DCLK3: variants seen among roughly 807,000 people sequenced by gnomAD.
DCLK3 encodes the protein serine/threonine-protein kinase DCLK3.
A neutral mutation model predicts 46.4 loss-of-function variants in DCLK3; 30 were observed. The observed-to-expected ratio is 0.65, with a 90% CI of 0.48 to 0.88. DCLK3 has a LOEUF of 0.88. DCLK3 is among the 40% of genes least tolerant of loss of function. The pLI, the probability that DCLK3 is intolerant of heterozygous loss-of-function variation, is 0.00. For synonymous variants in DCLK3, 401 were observed against 339.2 expected, an observed-to-expected ratio of 1.18 and a Z score of -2.00; for missense variants, 846 against 907.1, an observed-to-expected ratio of 0.93 and a Z score of 0.87.
chr3:36,741,261 G>T (rs777376524), intron 1 of DCLK3, among the ~76,000 whole-genome samples: 4 of 152,128 alleles, frequency 2.6e-5, no homozygotes, highest in Non-Finnish European at 5.9e-5. Flanking sequence ...TGCACAAAAG[G>T]GCTGGTGTTC....
chr3:36,741,322 C>T (rs1701342043), intron 1 of DCLK3, among the ~76,000 whole-genome samples: 3 of 152,176 alleles, frequency 2.0e-5, no homozygotes, highest in Admixed American at 1.3e-4. Flanking sequence ...TTGATACATA[C>T]TGTCAGACTA....
chr3:36,717,841 T>C (rs1306594098), intron 4 of DCLK3, among the ~76,000 whole-genome samples, 169 bp downstream of exon 4: 1 of 152,176 alleles, frequency 6.6e-6, no homozygotes, highest in African/African-American at 2.4e-5. Flanking sequence ...AAGCAAGCCA[T>C]GTTTTCAGAG....
At position 36,737,285 on chromosome 3, in the gene DCLK3, T is replaced by C. The variant is rs775498135; in HGVS notation, c.1882A>G (p.Met628Val). The C allele has an allele frequency of 1.3e-5, 21 of 1,614,220 alleles. No homozygotes were observed. The highest frequency in any genetic ancestry group is 1.6e-4 in the Middle Eastern group (1 of 6,062). The change falls in exon 2 of 5, where the codon ATG becomes GTG. Residue 628 changes from methionine to valine, a missense_variant. Physicochemically the swap from Met to Val is conservative, Grantham distance 21. Around this residue, in one of 3 missense-constraint regions of DCLK3, gnomAD observed 247 missense variants for 322.8 expected, o/e 0.77. Transcript: ENST00000636136. This position sits in a 1 kb window ranked among gnomAD's most constrained non-coding sequence, Gnocchi z 4.4. ...TGGACGAGGGCTTTGCATAAGTCCATGATCATGAGGGCAGCATCGGGCTCC... is the reference window on the plus strand; with the variant it reads ...TGGACGAGGGCTTTGCATAAGTCCACGATCATGAGGGCAGCATCGGGCTCC... The part of the protein sequence containing the change: ...FPEPDAALMI[M>V]DLCKALVHMH...
chr3:36,758,339 A>C (rs940796145), intron 1 of DCLK3, among the ~76,000 whole-genome samples: 4 of 152,152 alleles, frequency 2.6e-5, no homozygotes, highest in Non-Finnish European at 4.4e-5. Context: ...TTTATACTGT[A>C]GTTGATGCTA....
rs539111523 is a variant in DCLK3 at position 36,729,169 on chromosome 3, A to G, written c.1960-7510T>C. ...GCACTGGGTGGTCATCAAGACAGCC[A>G]AAGACCCCATCAAATGACCCACTTC... On this transcript the variant is annotated intron_variant, in intron 2 of 4. Coordinates refer to ENST00000636136, the MANE Select transcript of DCLK3 (RefSeq NM_001394672.2). Among the ~76,000 whole-genome samples, 19 of 151,464 alleles carry G rather than the reference A, an allele frequency of 1.3e-4. No homozygotes were observed. The East Asian group carries it at 3.5e-3, about 28-fold the overall frequency.
At chr3:36,756,978 A>G (rs1701491210) in intron 1 of DCLK3, among the ~76,000 whole-genome samples, 1 of 151,912 alleles carries the variant, frequency 6.6e-6, no homozygotes, top group African/African-American at 2.4e-5. Context: ...GCCTGAGACC[A>G]GGAGAGAGCA....
chr3:36,748,842 T>G (rs1701415151), intron 1 of DCLK3, among the ~76,000 whole-genome samples: 1 of 152,182 alleles, frequency 6.6e-6, no homozygotes, highest in South Asian at 2.1e-4. Flanking sequence ...AGGTTGACCC[T>G]CTTTCCTTTT....
intron 1 of DCLK3, among the ~76,000 whole-genome samples, chr3:36,741,647 A>T (rs972901623): frequency 2.0e-5 from 3 of 152,228 alleles, no homozygotes; most frequent in African/African-American, 4.8e-5. Flanking sequence ...CAAAGGAACC[A>T]TGACATAGGG....
At chr3:36,727,515 C>A (rs565603780) in intron 2 of DCLK3, among the ~76,000 whole-genome samples, 145 of 152,288 alleles carry the variant, frequency 9.5e-4, no homozygotes, top group Admixed American at 2.3e-3. Flanking sequence ...GATATATTTT[C>A]AAAATGCCAA....
Position 36,737,464 on chromosome 3 carries a change from A to G in DCLK3, c.1703T>C (p.Val568Ala), listed in dbSNP as rs1701278357. The G allele has an allele frequency of 1.2e-6, 2 of 1,614,222 alleles. No homozygotes were observed. Among genetic ancestry groups the G allele is most frequent in the Non-Finnish European group, 8.5e-7 (1 of 1,180,016 alleles). Residue 568 changes from valine (V) to alanine (A), a missense_variant, in exon 2 of 5, where the codon GTG becomes GCG. Physicochemically the swap from Val to Ala is moderately conservative, Grantham distance 64. Around this residue, in one of 3 missense-constraint regions of DCLK3, gnomAD observed 247 missense variants for 322.8 expected, o/e 0.77. Transcript: ENST00000636136. This position sits in a 1 kb window ranked among gnomAD's most constrained non-coding sequence, Gnocchi z 4.4. ...KSRLKGKEDMVDSEILIIQSL... is the reference protein window; with the variant it reads ...KSRLKGKEDMADSEILIIQSL... ...CTGGATGATCAAGATCTCACTGTCC[A>G]CCATGTCCTCCTTGCCCTTGAGTCT...
At chr3:36,761,830 C>A (rs1428262385) in intron 1 of DCLK3, among the ~76,000 whole-genome samples, 1 of 152,164 alleles carries the variant, frequency 6.6e-6, no homozygotes, top group Admixed American at 6.5e-5. Flanking sequence ...CACCCGCCTG[C>A]AGGCTGCAGG....
chr3:36,761,263 T>G (rs1038882663), intron 1 of DCLK3, among the ~76,000 whole-genome samples: 1 of 152,228 alleles, frequency 6.6e-6, no homozygotes, highest in Non-Finnish European at 1.5e-5. Context: ...GATGAGTCCA[T>G]GAAAATATTT....
In DCLK3 at chr3:36,712,899, T is replaced by C. The variant is rs1348074059; in HGVS notation, c.*2429A>G. The C allele has an allele frequency of 1.3e-5, 2 of 152,208 alleles. No individual in the cohort carries two copies. Among genetic ancestry groups the C allele is most frequent in the Admixed American group, 6.5e-5 (1 of 15,278 alleles). 9.4% of individuals were successfully genotyped at this position (152,208 alleles called of 1,614,324 possible). A position where few individuals can be genotyped will look rare whatever the true frequency, so the allele number is the denominator to read the frequency against. On this transcript the variant is annotated 3_prime_UTR_variant, in exon 5 of 5. Transcript: ENST00000636136. Reference sequence around the variant, plus strand: ...ACTACAAATAAAGCACCTATAAATATTGTGAAGTCTTCATAGGACATATGC... The same window carrying C: ...ACTACAAATAAAGCACCTATAAATACTGTGAAGTCTTCATAGGACATATGC...
intron 2 of DCLK3, among the ~76,000 whole-genome samples, chr3:36,726,505 C>T (rs936717850): frequency 6.6e-6 from 1 of 152,146 alleles, no homozygotes; most frequent in African/African-American, 2.4e-5. Flanking sequence ...AGTGCCTGGA[C>T]AGGTGGGCAG....
chr3:36,727,693 G>T (rs558052170), intron 2 of DCLK3, among the ~76,000 whole-genome samples: 1 of 152,288 alleles, frequency 6.6e-6, no homozygotes, highest in South Asian at 2.1e-4. Context: ...GGTGCCACTT[G>T]TCTCTTCCAG....
intron 4 of DCLK3, among the ~76,000 whole-genome samples, chr3:36,716,617 C>G (rs932003595): frequency 2.0e-5 from 3 of 152,240 alleles, no homozygotes; most frequent in Admixed American, 1.3e-4. Flanking sequence ...TCCAGATGGC[C>G]ACTCCTTGGC....
intron 1 of DCLK3, among the ~76,000 whole-genome samples, chr3:36,748,683 C>T (rs1404096761): frequency 6.6e-6 from 1 of 152,222 alleles, no homozygotes; most frequent in South Asian, 2.1e-4. Context: ...TCCCAGGGTC[C>T]GTGAGGCCTC....
chr3:36,743,607 A>G (rs771696512), intron 1 of DCLK3, among the ~76,000 whole-genome samples: 2 of 152,228 alleles, frequency 1.3e-5, no homozygotes, highest in Non-Finnish European at 2.9e-5. Flanking sequence ...AGCAAAATAA[A>G]TTGACCTGGA....
At chr3:36,718,847 C>T (rs1228638797) in intron 3 of DCLK3, among the ~76,000 whole-genome samples, 4 of 152,134 alleles carry the variant, frequency 2.6e-5, no homozygotes, top group African/African-American at 9.7e-5. Context: ...CACACGCGCA[C>T]ACACCTATAT....
Sources: gnomAD v4.1 joint callset for allele counts (sites outside exome capture counted in the v4.1 genomes callset) on GRCh38, gnomAD v4.1.1 for gene constraint, gnomAD v4.1.1 regional missense constraint, Gnocchi (gnomAD v3.1) non-coding constraint, MANE v1.5 for transcripts, NCBI Gene and HGNC (gene_info 2026-07-23, HGNC 2026-07-21) for gene names.